The following RTN4IP1 variants were observed in gnomAD, a reference collection of about 807,000 sequenced individuals.
RTN4IP1 encodes NAD(P)H oxidoreductase RTN4IP1, mitochondrial.
RTN4IP1 carries 32 observed loss-of-function variants against 46.6 expected under a neutral mutation model. The observed-to-expected ratio is 0.69, with a 90% CI of 0.52 to 0.92. The LOEUF is 0.92. Among genes scored for constraint, RTN4IP1 ranks in the 40% least tolerant of loss-of-function variants. The pLI, the probability that RTN4IP1 is intolerant of heterozygous loss-of-function variation, is 0.00. For missense variants in RTN4IP1, 424 were observed against 485.8 expected (o/e 0.87, Z 1.20); for synonymous variants, 167 against 161.8 (o/e 1.03, Z -0.24).
chr6:106,583,858 C>T (rs1462340208), intron 7 of RTN4IP1, among the ~76,000 whole-genome samples: 1 of 152,160 alleles, frequency 6.6e-6, no homozygotes, highest in East Asian at 1.9e-4. Context: ...CAATAAGTCA[C>T]CAAAATATGA....
At position 106,622,883 on chromosome 6, in the gene RTN4IP1, G is replaced by A. The variant is rs190857881; in HGVS notation, c.361C>T (p.Arg121Trp). Residue 121 changes from arginine to tryptophan, a missense_variant, in exon 2 of 9, where the codon CGG becomes TGG. Physicochemically the swap from Arg to Trp is moderately radical, Grantham distance 101. Coordinates refer to ENST00000369063, the MANE Select transcript of RTN4IP1 (RefSeq NM_032730.5). ...TCCATCACCACGCCAGAGACATCCC[G>A]ACCCAGAGTCAGAGGAAATTCTTCT... ...KGEEFPLTLG[R>W]DVSGVVMECG... The A allele has an allele frequency of 1.9e-4, 301 of 1,614,054 alleles. No homozygotes were observed. The highest frequency in any genetic ancestry group is 2.2e-5 in the East Asian group (1 of 44,874).
At chr6:106,624,660 T>C (rs1277112138) in intron 1 of RTN4IP1, among the ~76,000 whole-genome samples, 2 of 149,136 alleles carry the variant, frequency 1.3e-5, no homozygotes, top group Non-Finnish European at 3.0e-5. Flanking sequence ...TTTAAGACTA[T>C]TTACAGGCCA....
Position 106,609,166 on chromosome 6 carries a change from C to A in RTN4IP1, c.621-6244G>T, listed in dbSNP as rs192200781. ...CACACATCCTACTTCCCAACTTATT[C>A]TGCAAGCTCTTAAGGTCAGAGACTT... On this transcript the variant is annotated intron_variant, in intron 4 of 8. Transcript: ENST00000369063. Among the ~76,000 whole-genome samples, 6 of 152,374 alleles carry A rather than the reference C, an allele frequency of 3.9e-5. No homozygotes were observed. The East Asian group carries it at 1.2e-3, about 29-fold the overall frequency.
chr6:106,612,129 G>A (rs546692321), intron 4 of RTN4IP1, among the ~76,000 whole-genome samples: 6 of 152,260 alleles, frequency 3.9e-5, no homozygotes, highest in East Asian at 1.9e-4. Context: ...GCTCACGCCT[G>A]TAATCCCAGG....
At chr6:106,593,892 A>C (rs1486211237) in intron 5 of RTN4IP1, among the ~76,000 whole-genome samples, 1 of 152,258 alleles carries the variant, frequency 6.6e-6, no homozygotes, top group African/African-American at 2.4e-5. Context: ...TATGTGAAGA[A>C]TATAATCCAA....
intron 7 of RTN4IP1, among the ~76,000 whole-genome samples, chr6:106,587,037 C>T (rs546064574): frequency 6.6e-6 from 1 of 152,286 alleles, no homozygotes; most frequent in East Asian, 1.9e-4. Flanking sequence ...TTCAAATTTA[C>T]ACGGAATACA....
chr6:106,601,841 C>A (rs184940720), intron 5 of RTN4IP1, among the ~76,000 whole-genome samples: 1 of 152,052 alleles, frequency 6.6e-6, no homozygotes, highest in Non-Finnish European at 1.5e-5. Context: ...GAACTCCCGA[C>A]CTCAAGTGAT....
intron 5 of RTN4IP1, among the ~76,000 whole-genome samples, chr6:106,592,786 A>G (rs1004407391): frequency 6.6e-6 from 1 of 152,076 alleles, no homozygotes; most frequent in South Asian, 2.1e-4. Flanking sequence ...TTAGCTGGAC[A>G]TGGTAGCGGG....
chr6:106,589,186 AGGG>A (rs1562136305), intron 6 of RTN4IP1, among the ~76,000 whole-genome samples: 11 of 11,182 alleles, frequency 9.8e-4, no homozygotes, highest in Admixed American at 1.5e-3. Flanking sequence ...GAGGAGGAGG[AGGG>A]AGGAGGAGGA....
At chr6:106,610,218 C>A (rs80326054) in intron 4 of RTN4IP1, among the ~76,000 whole-genome samples, 2 of 152,062 alleles carry the variant, frequency 1.3e-5, no homozygotes, top group African/African-American at 4.8e-5. Context: ...CCCACCACCA[C>A]ACCTGGCTAA....
chr6:106,614,870 G>A (rs750184301), intron 4 of RTN4IP1, among the ~76,000 whole-genome samples: 8 of 152,144 alleles, frequency 5.3e-5, no homozygotes, highest in Admixed American at 3.9e-4. Context: ...TCACGAGATA[G>A]TTAACCTAGT....
At chr6:106,614,521 A>T (rs1355278013) in intron 4 of RTN4IP1, among the ~76,000 whole-genome samples, 1 of 152,202 alleles carries the variant, frequency 6.6e-6, no homozygotes, top group Non-Finnish European at 1.5e-5. Context: ...TGGGAAACAA[A>T]AAGGAAGAAT....
At chr6:106,619,368 A>G (rs1326495672) in intron 3 of RTN4IP1, 42 bp from the exon 4 acceptor site, 1 of 1,612,190 alleles carries the variant, frequency 6.2e-7, no homozygotes, top group South Asian at 1.1e-5. Context: ...AATGACTTGC[A>G]AACCTATGAA....
intron 4 of RTN4IP1, among the ~76,000 whole-genome samples, chr6:106,616,028 C>T (rs748884979): frequency 7.9e-5 from 12 of 152,072 alleles, no homozygotes; most frequent in Non-Finnish European, 1.2e-4. Context: ...AAATGATCCT[C>T]CTGCCTCAGG....
chr6:106,599,150 C>T (rs1582367486), intron 5 of RTN4IP1, among the ~76,000 whole-genome samples: 1 of 151,836 alleles, frequency 6.6e-6, no homozygotes, highest in African/African-American at 2.4e-5. Flanking sequence ...TATTATAGGG[C>T]ATGTTATTCT....
rs977271715 is a variant in RTN4IP1 at position 106,573,049 on chromosome 6, G to A, written c.1084-946C>T. On this transcript the variant is annotated intron_variant, in intron 8 of 8. Coordinates refer to ENST00000369063, the MANE Select transcript of RTN4IP1 (RefSeq NM_032730.5). ...GCCCTGGCAGGCTTTGCTAAACAAC[G>A]GTGCAGCCGGTTACAATTTACAAGA... Among the ~76,000 whole-genome samples the A allele has an allele frequency of 1.2e-4, 18 of 152,280 alleles. No individual in the cohort carries two copies. In the East Asian group the frequency reaches 2.5e-3, roughly 21 times the overall value.
rs371458626 is a variant in RTN4IP1 at position 106,585,127 on chromosome 6, T to A, written c.991-1707A>T. On this transcript the variant is annotated intron_variant, in intron 7 of 8. Coordinates refer to ENST00000369063, the MANE Select transcript of RTN4IP1 (RefSeq NM_032730.5). ...ATGCTGTTCAAATACTATCATTTTC[T>A]ATGTCTGTCATGGCATGAAAGATGT... Among the ~76,000 whole-genome samples, 15 of 152,348 alleles carry A rather than the reference T, an allele frequency of 9.8e-5. No individual in the cohort carries two copies. In the East Asian group the frequency reaches 2.1e-3, roughly 22 times the overall value.
rs375909830 is a variant in RTN4IP1 at position 106,611,574 on chromosome 6, AAC to A, written c.620+7626_620+7627del. Among the ~76,000 whole-genome samples the A allele has an allele frequency of 9.5e-4, 145 of 152,362 alleles. 2 individuals are homozygous for A. The highest frequency in any genetic ancestry group is 3.4e-3 in the African/African-American group (140 of 41,584). On this transcript the variant is annotated intron_variant, in intron 4 of 8. Coordinates refer to ENST00000369063, the MANE Select transcript of RTN4IP1 (RefSeq NM_032730.5). ...TTTCTCAGCCTTGTGGAGGTTCTGA[AAC>A]ACACATGACTTTTAAATCACGGGGA...
Position 106,572,213 on chromosome 6 carries a change from A to C in RTN4IP1, c.1084-110T>G, listed in dbSNP as rs9486412. ...TGTCCCTCAAGCCACAGTCTCTCTC[A>C]AGTGTCTCTCCAGTGGACCCAGGTC... On this transcript the variant is annotated intron_variant, in intron 8 of 8. Coordinates refer to ENST00000369063, the MANE Select transcript of RTN4IP1 (RefSeq NM_032730.5). 3.3e-5 allele frequency: 29 copies of C among 870,326 alleles called. No individual in the cohort carries two copies. The Admixed American group carries it at 5.7e-4, about 17-fold the overall frequency. The allele number at this position is 870,326 out of a possible 1,614,324, so 53.9% of individuals were successfully genotyped here.
Sources: gnomAD v4.1 joint callset for allele counts (sites outside exome capture counted in the v4.1 genomes callset) on GRCh38, gnomAD v4.1.1 for gene constraint, MANE v1.5 for transcripts, NCBI Gene and HGNC (gene_info 2026-07-23, HGNC 2026-07-21) for gene names.